PCDHB3: variants seen among roughly 807,000 people sequenced by gnomAD.
PCDHB3 encodes the protein protocadherin beta-3.
For synonymous variants in PCDHB3, 479 were observed against 456.0 expected, an observed-to-expected ratio of 1.05 and a Z score of -0.64; for missense variants, 967 against 1,012.1, an observed-to-expected ratio of 0.96 and a Z score of 0.60.
rs1554272614 is a variant in PCDHB3 at position 141,102,570 on chromosome 5, G to C, written c.1921G>C (p.Val641Leu). 1 of 1,608,838 alleles carries C rather than the reference G, an allele frequency of 6.2e-7. No homozygotes were observed. Among genetic ancestry groups the C allele is most frequent in the South Asian group, 1.1e-5 (1 of 90,980 alleles). Reference sequence around the variant, plus strand: ...GCGCGACGCGGCCAAGCACAGGCTGGTGGTGCTGGTCAAGGACAATGGCGA... The same window carrying C: ...GCGCGACGCGGCCAAGCACAGGCTGCTGGTGCTGGTCAAGGACAATGGCGA... ...SERDAAKHRL[V>L]VLVKDNGEPP... The change falls in exon 1 of 1, where the codon GTG (valine) becomes CTG (leucine). Residue 641 changes from valine (V) to leucine (L), a missense_variant. Coordinates refer to ENST00000231130, the MANE Select transcript of PCDHB3 (RefSeq NM_018937.5).
rs1255253253 is a variant in PCDHB3 at position 141,102,965 on chromosome 5, C to G, written c.2316C>G (p.Pro772=). Residue 772 remains proline (P), a synonymous_variant, in exon 1 of 1, where the codon CCC becomes CCG. Transcript: ENST00000231130. ...TCAAGTTCCTGAAGCCAATTATCCC[C>G]AACTTCGTTGCTCAGGGTGCAGAGA... is the stretch of plus-strand genomic sequence containing the variant. ...NEFKFLKPII[P]NFVAQGAERV... The G allele has an allele frequency of 1.2e-6, 2 of 1,603,438 alleles. No homozygotes were observed. The highest frequency in any genetic ancestry group is 1.7e-6 in the Non-Finnish European group (2 of 1,175,398).
rs200636491 is a variant in PCDHB3, at chr5:141,102,881, C to A, written c.2232C>A (p.Thr744=). 1.1e-4 allele frequency: 177 copies of A among 1,613,766 alleles called. 1 individual carries two copies. The East Asian group carries it at 2.2e-3, about 20-fold the overall frequency. Residue 744 remains threonine (T), a synonymous_variant, in exon 1 of 1, where the codon ACC becomes ACA. Coordinates refer to ENST00000231130, the MANE Select transcript of PCDHB3 (RefSeq NM_018937.5). Reference sequence around the variant, plus strand: ...TGGTGGACGTGAGCGGCACCGGGACCCTGTCCCAGAGCTACCAGTACGAGG... The same window carrying A: ...TGGTGGACGTGAGCGGCACCGGGACACTGTCCCAGAGCTACCAGTACGAGG... ...GQMVDVSGTG[T]LSQSYQYEVC...
In PCDHB3 at chr5:141,102,745, C is replaced by CG; in HGVS notation, c.2097dup (p.Leu700AlafsTer64). On this transcript the variant is annotated frameshift_variant, in exon 1 of 1. Coordinates refer to ENST00000231130, the MANE Select transcript of PCDHB3 (RefSeq NM_018937.5). LOFTEE classifies it low-confidence loss of function (END_TRUNC). Reference sequence around the variant, plus strand: ...GTGGTGGCATTGGCCTCGGTGTCTTCGCTCTTCCTCTTTTCGGTGCTCCTG... The same window carrying CG: ...GTGGTGGCATTGGCCTCGGTGTCTTCGGCTCTTCCTCTTTTCGGTGCTCCTG... The CG allele has an allele frequency of 6.2e-7, 1 of 1,612,000 alleles. No individual in the cohort carries two copies. The highest frequency in any genetic ancestry group is 8.5e-7 in the Non-Finnish European group (1 of 1,179,704).
At position 141,101,123 on chromosome 5, in the gene PCDHB3, G is replaced by A. The variant is rs1751927345; in HGVS notation, c.474G>A (p.Glu158=). Reference sequence around the variant, plus strand: ...CAGTAATTCCTTTGGGAAATGCTGAGGACTTGGATGTGGGAAGAAACAGCC... The same window carrying A: ...CAGTAATTCCTTTGGGAAATGCTGAAGACTTGGATGTGGGAAGAAACAGCC... ...PGTVIPLGNA[E]DLDVGRNSLQ... The change falls in exon 1 of 1, where the codon GAG becomes GAA. Residue 158 remains glutamate (E), a synonymous_variant. Coordinates refer to ENST00000231130, the MANE Select transcript of PCDHB3 (RefSeq NM_018937.5). The A allele has an allele frequency of 6.2e-7, 1 of 1,614,038 alleles. No homozygotes were observed. The highest frequency in any genetic ancestry group is 1.3e-5 in the African/African-American group (1 of 74,914).
Position 141,102,368 on chromosome 5 carries a change from C to G in PCDHB3, c.1719C>G (p.Thr573=), listed in dbSNP as rs1554272547. 6.2e-7 allele frequency: 1 copy of G among 1,610,538 alleles called. No individual in the cohort carries two copies. Among genetic ancestry groups the G allele is most frequent in the African/African-American group, 1.3e-5 (1 of 74,852 alleles). Residue 573 remains threonine, a synonymous_variant, in exon 1 of 1, where the codon ACC becomes ACG. Coordinates refer to ENST00000231130, the MANE Select transcript of PCDHB3 (RefSeq NM_018937.5). ...YPLQNGSAPC[T]ELVPRAAEPG... ...TGCAGAACGGCTCCGCGCCCTGCAC[C>G]GAGCTGGTGCCCCGGGCGGCTGAGC...
At position 141,100,520 on chromosome 5, in the gene PCDHB3, C is replaced by A; in HGVS notation, c.-130C>A. ...GAGCCCAGGCAGATTTTTGAGCCAGCAAGTCTGAGCCTCTGGAAAGGCTTA... is the reference window on the plus strand; with the variant it reads ...GAGCCCAGGCAGATTTTTGAGCCAGAAAGTCTGAGCCTCTGGAAAGGCTTA... On this transcript the variant is annotated 5_prime_UTR_variant, in exon 1 of 1. Transcript: ENST00000231130. 1 of 714,916 alleles carries A rather than the reference C, an allele frequency of 1.4e-6. No homozygotes were observed. The highest frequency in any genetic ancestry group is 2.3e-6 in the Non-Finnish European group (1 of 437,068). 44.3% of individuals were successfully genotyped at this position (714,916 alleles called of 1,614,324 possible).
rs991588263 is a variant in PCDHB3, at chr5:141,100,521, A to G, written c.-129A>G. 1.9e-5 allele frequency: 14 copies of G among 723,152 alleles called. No individual in the cohort carries two copies. The highest frequency in any genetic ancestry group is 3.5e-5 in the African/African-American group (2 of 56,862). The allele number at this position is 723,152 out of a possible 1,614,324, so 44.8% of individuals were successfully genotyped here. A position where few individuals can be genotyped will look rare whatever the true frequency, so the allele number is the denominator to read the frequency against. ...AGCCCAGGCAGATTTTTGAGCCAGC[A>G]AGTCTGAGCCTCTGGAAAGGCTTAT... On this transcript the variant is annotated 5_prime_UTR_variant, in exon 1 of 1. Transcript: ENST00000231130.
Position 141,100,891 on chromosome 5 carries a change from C to T in PCDHB3, c.242C>T (p.Thr81Ile), listed in dbSNP as rs61739886. The change falls in exon 1 of 1, where the codon ACA (threonine) becomes ATA (isoleucine). Residue 81 changes from threonine (T) to isoleucine (I), a missense_variant. Thr to Ile is a moderately conservative substitution (Grantham distance 89). Transcript: ENST00000231130. The part of the protein sequence containing the change: ...NKQHFQLSHQ[T>I]GDLLLNEKLD... Reference sequence around the variant, plus strand: ...CAGCATTTTCAGCTCAGTCATCAGACAGGTGATTTGCTCCTGAATGAGAAA... The same window carrying T: ...CAGCATTTTCAGCTCAGTCATCAGATAGGTGATTTGCTCCTGAATGAGAAA... The T allele has an allele frequency of 6.2e-3, 9,985 of 1,614,084 alleles. 43 individuals are homozygous for T. The highest frequency in any genetic ancestry group is 7.2e-3 in the Non-Finnish European group (8,538 of 1,180,006).
Position 141,101,327 on chromosome 5 carries a change from C to T in PCDHB3, c.678C>T (p.Ala226=), listed in dbSNP as rs578146658. ...DGGSPPRSGT[A]QINIQVLDIN... Reference sequence around the variant, plus strand: ...GCTCTCCCCCTCGGTCTGGGACAGCCCAGATAAACATCCAGGTCTTAGATA... The same window carrying T: ...GCTCTCCCCCTCGGTCTGGGACAGCTCAGATAAACATCCAGGTCTTAGATA... Residue 226 remains alanine (A), a synonymous_variant, in exon 1 of 1, where the codon GCC becomes GCT. Coordinates refer to ENST00000231130, the MANE Select transcript of PCDHB3 (RefSeq NM_018937.5). The T allele has an allele frequency of 1.2e-6, 2 of 1,614,116 alleles. No individual in the cohort carries two copies. Among genetic ancestry groups the T allele is most frequent in the East Asian group, 2.2e-5 (1 of 44,870 alleles).
chr5:141,103,578 G>T lies in PCDHB3; in HGVS notation c.*538G>T, dbSNP rs553879073. On this transcript the variant is annotated 3_prime_UTR_variant, in exon 1 of 1. Transcript: ENST00000231130. ...TGTCTATAGTTAACAAAGTTTTAAG[G>T]ATAGACAAGAATGTGTTTTCTTTAA... 1 of 152,248 alleles carries T rather than the reference G, an allele frequency of 6.6e-6. No individual in the cohort carries two copies. Among genetic ancestry groups the T allele is most frequent in the Admixed American group, 6.5e-5 (1 of 15,290 alleles). The allele number at this position is 152,248 out of a possible 1,614,324, so 9.4% of individuals were successfully genotyped here.
At position 141,103,346 on chromosome 5, in the gene PCDHB3, G is replaced by T; in HGVS notation, c.*306G>T. ...CCTTTCATCCTGGCTTGCCAACGCAGTCTTAATTCCGCCTTTTTTTTTTCT... is the reference window on the plus strand; with the variant it reads ...CCTTTCATCCTGGCTTGCCAACGCATTCTTAATTCCGCCTTTTTTTTTTCT... On this transcript the variant is annotated 3_prime_UTR_variant, in exon 1 of 1. Transcript: ENST00000231130. 4.2e-6 allele frequency: 1 copy of T among 240,032 alleles called. No homozygotes were observed. The highest frequency in any genetic ancestry group is 7.9e-6 in the Non-Finnish European group (1 of 126,304). The allele number at this position is 240,032 out of a possible 1,614,324, so 14.9% of individuals were successfully genotyped here.
chr5:141,103,176 G>T lies in PCDHB3; in HGVS notation c.*136G>T. The T allele has an allele frequency of 9.8e-7, 1 of 1,019,204 alleles. No homozygotes were observed. Among genetic ancestry groups the T allele is most frequent in the African/African-American group, 1.6e-5 (1 of 61,658 alleles). 63.1% of individuals were successfully genotyped at this position (1,019,204 alleles called of 1,614,324 possible). On this transcript the variant is annotated 3_prime_UTR_variant, in exon 1 of 1. Transcript: ENST00000231130. The stretch of plus-strand genomic sequence containing the variant: ...AGAATAGAGCAAAATATCAAATCCA[G>T]GGATGGCTTAGGTTTCATTAACAGT...
chr5:141,101,678 C>G lies in PCDHB3; in HGVS notation c.1029C>G (p.Asn343Lys), dbSNP rs1751945883. Residue 343 changes from asparagine to lysine, a missense_variant, in exon 1 of 1, where the codon AAC (asparagine) becomes AAG (lysine). Physicochemically the swap from Asn to Lys is moderately conservative, Grantham distance 94. Transcript: ENST00000231130. The part of the protein sequence containing the change: ...VIVQVVDVND[N>K]PPELTLSSVN... The stretch of plus-strand genomic sequence containing the variant: ...TCCAGGTGGTTGATGTCAACGACAA[C>G]CCACCGGAACTGACCTTGTCTTCAG... The G allele has an allele frequency of 6.2e-7, 1 of 1,613,802 alleles. No individual in the cohort carries two copies. Among genetic ancestry groups the G allele is most frequent in the African/African-American group, 1.3e-5 (1 of 74,902 alleles).
Position 141,102,503 on chromosome 5 carries a change from G to T in PCDHB3, c.1854G>T (p.Trp618Cys), listed in dbSNP as rs1374862386. 6.2e-7 allele frequency: 1 copy of T among 1,608,532 alleles called. No homozygotes were observed. The highest frequency in any genetic ancestry group is 2.2e-5 in the East Asian group (1 of 44,878). Residue 618 changes from tryptophan (W) to cysteine (C), a missense_variant, in exon 1 of 1, where the codon TGG (tryptophan) becomes TGT (cysteine). Trp to Cys is a radical substitution (Grantham distance 215, BLOSUM62 -2). Transcript: ENST00000231130. Reference protein sequence around the residue: ...KATEPGLFGVWAHNGEVRTAR... With the variant: ...KATEPGLFGVCAHNGEVRTAR... ...CGGAGCCCGGGCTGTTCGGCGTGTG[G>T]GCGCACAATGGCGAAGTGCGCACCG...
At position 141,100,554 on chromosome 5, in the gene PCDHB3, G is replaced by A; in HGVS notation, c.-96G>A. On this transcript the variant is annotated 5_prime_UTR_variant, in exon 1 of 1. Coordinates refer to ENST00000231130, the MANE Select transcript of PCDHB3 (RefSeq NM_018937.5). Reference sequence around the variant, plus strand: ...GCCTCTGGAAAGGCTTATTCACTAGGCCGTCTACAAAGGTTGTGGGGCAAA... The same window carrying A: ...GCCTCTGGAAAGGCTTATTCACTAGACCGTCTACAAAGGTTGTGGGGCAAA... 1 of 968,350 alleles carries A rather than the reference G, an allele frequency of 1.0e-6. No homozygotes were observed. The allele number at this position is 968,350 out of a possible 1,614,324, so 60.0% of individuals were successfully genotyped here. A position where few individuals can be genotyped will look rare whatever the true frequency, so the allele number is the denominator to read the frequency against.
chr5:141,100,845 G>A lies in PCDHB3; in HGVS notation c.196G>A (p.Val66Ile). Reference sequence around the variant, plus strand: ...GGAACTGGCCGCGAGGGGGGCCCAAGTTGTGTCCAAAGGGAACAAACAGCA... The same window carrying A: ...GGAACTGGCCGCGAGGGGGGCCCAAATTGTGTCCAAAGGGAACAAACAGCA... ...VEELAARGAQ[V>I]VSKGNKQHFQ... The change falls in exon 1 of 1, where the codon GTT (valine) becomes ATT (isoleucine). Residue 66 changes from valine to isoleucine, a missense_variant. Transcript: ENST00000231130. 6.2e-7 allele frequency: 1 copy of A among 1,614,140 alleles called. No homozygotes were observed.
rs782325218 is a variant in PCDHB3, at chr5:141,101,081, A to G, written c.432A>G (p.Glu144=). The G allele has an allele frequency of 1.9e-6, 3 of 1,614,168 alleles. No individual in the cohort carries two copies. Among genetic ancestry groups the G allele is most frequent in the African/African-American group, 2.7e-5 (2 of 75,028 alleles). ...ATGAAATGCATCTGAAAATCCTAGA[A>G]AGCACTCTGCCAGGAACAGTAATTC... The part of the protein sequence containing the change: ...FENEMHLKIL[E]STLPGTVIPL... Residue 144 remains glutamate (E), a synonymous_variant, in exon 1 of 1, where the codon GAA becomes GAG. Transcript: ENST00000231130.
At position 141,102,725 on chromosome 5, in the gene PCDHB3, G is replaced by T. The variant is rs768454301; in HGVS notation, c.2076G>T (p.Val692=). 59 of 1,611,846 alleles carry T rather than the reference G, an allele frequency of 3.7e-5. No homozygotes were observed. Among genetic ancestry groups the T allele is most frequent in the Non-Finnish European group, 4.9e-5 (58 of 1,179,772 alleles). ...QADLLTVYLV[V]ALASVSSLFL... ...ACTTGCTCACCGTCTACCTGGTGGT[G>T]GCATTGGCCTCGGTGTCTTCGCTCT... Residue 692 remains valine (V), a synonymous_variant, in exon 1 of 1, where the codon GTG becomes GTT. Coordinates refer to ENST00000231130, the MANE Select transcript of PCDHB3 (RefSeq NM_018937.5).
Position 141,102,432 on chromosome 5 carries a change from G to T in PCDHB3, c.1783G>T (p.Asp595Tyr), listed in dbSNP as rs782487910. Residue 595 changes from aspartate to tyrosine, a missense_variant, in exon 1 of 1, where the codon GAC becomes TAC. Asp to Tyr is a radical substitution (Grantham distance 160). Coordinates refer to ENST00000231130, the MANE Select transcript of PCDHB3 (RefSeq NM_018937.5). Reference sequence around the variant, plus strand: ...GACCAAGGTGGTGGCGGTGGACGGCGACTCGGGCCAGAACGCCTGGCTGTC... The same window carrying T: ...GACCAAGGTGGTGGCGGTGGACGGCTACTCGGGCCAGAACGCCTGGCTGTC... Reference protein sequence around the residue: ...LVTKVVAVDGDSGQNAWLSYQ... With the variant: ...LVTKVVAVDGYSGQNAWLSYQ... 2 of 1,610,320 alleles carry T rather than the reference G, an allele frequency of 1.2e-6. No homozygotes were observed. Among genetic ancestry groups the T allele is most frequent in the Non-Finnish European group, 1.7e-6 (2 of 1,179,626 alleles).
Sources: gnomAD v4.1 joint callset for allele counts on GRCh38, gnomAD v4.1.1 for gene constraint, MANE v1.5 for transcripts, NCBI Gene and HGNC (gene_info 2026-07-23, HGNC 2026-07-21) for gene names.